DNAH11: variants seen among roughly 807,000 people sequenced by gnomAD.
The protein encoded by DNAH11 is dynein axonemal heavy chain 11.
In DNAH11, 442 loss-of-function variants were observed where a neutral mutation model predicts 526.0. The ratio of observed to expected loss-of-function variants is 0.84; its 90% CI spans 0.78 to 0.91. The LOEUF is 0.91. Ranked by LOEUF, DNAH11 falls within the 40% of genes least tolerant of loss-of-function variation. DNAH11 has a pLI of 0.00. For synonymous variants in DNAH11, 2,461 were observed against 1,935.9 expected (o/e 1.27, Z -7.12); for missense variants, 6,989 against 5,448.7 (o/e 1.28, Z -8.90).
At chr7:21,652,593 T>C (rs926101269) in intron 28 of DNAH11, among the ~76,000 whole-genome samples, 6 of 152,194 alleles carry the variant, frequency 3.9e-5, no homozygotes, top group Non-Finnish European at 4.4e-5. Flanking sequence ...GAAGCTTTAA[T>C]GTTTTGACAC....
At chr7:21,673,907 G>GTT (rs72169473) in intron 30 of DNAH11, among the ~76,000 whole-genome samples, 198 of 147,918 alleles carry the variant, frequency 1.3e-3, no homozygotes, top group African/African-American at 4.8e-3. Flanking sequence ...TTATATTCAT[G>GTT]TTTTTTTTTT....
At chr7:21,744,414 A>G (rs1562522162) in intron 49 of DNAH11, 24 bp from the exon 50 acceptor site, 3 of 1,609,080 alleles carry the variant, frequency 1.9e-6, no homozygotes, top group East Asian at 2.2e-5. Flanking sequence ...AATTAAAGGT[A>G]TTTTCCCCAT....
intron 49 of DNAH11, 65 bp from the exon 50 acceptor site, chr7:21,744,373 T>G (rs1786049800): frequency 6.5e-7 from 1 of 1,543,914 alleles, no homozygotes; most frequent in Admixed American, 1.9e-5. Context: ...TTAAAAAGTG[T>G]TAAACTCATT....
At chr7:21,659,589 A>C (rs944416065) in intron 30 of DNAH11, among the ~76,000 whole-genome samples, 3 of 152,056 alleles carry the variant, frequency 2.0e-5, no homozygotes, top group African/African-American at 7.2e-5. Flanking sequence ...GTCTTATAGA[A>C]TCAGAGTATA....
intron 74 of DNAH11, among the ~76,000 whole-genome samples, chr7:21,873,832 C>T (rs974943894): frequency 2.3e-5 from 3 of 130,328 alleles, no homozygotes; most frequent in Non-Finnish European, 1.6e-5. Flanking sequence ...ACTTTGCCGC[C>T]CAGGCTGGAG....
intron 76 of DNAH11, among the ~76,000 whole-genome samples, chr7:21,890,414 T>C (rs1784290063): frequency 6.6e-6 from 1 of 152,242 alleles, no homozygotes; most frequent in Admixed American, 6.5e-5. Flanking sequence ...AATGTCCCCA[T>C]GGCAGCTTAA....
At position 21,543,200 on chromosome 7, in the gene DNAH11, C is replaced by A; in HGVS notation, c.-46C>A. On this transcript the variant is annotated 5_prime_UTR_variant, in exon 1 of 82. Transcript: ENST00000409508. ...GCTCACTTCGGGGGGCCCAGAGTCTCGGGTGAGGAGCCAGCCGGCCTCGCG... is the reference window on the plus strand; with the variant it reads ...GCTCACTTCGGGGGGCCCAGAGTCTAGGGTGAGGAGCCAGCCGGCCTCGCG... 6.8e-7 allele frequency: 1 copy of A among 1,471,170 alleles called. No individual in the cohort carries two copies. The highest frequency in any genetic ancestry group is 1.4e-5 in the South Asian group (1 of 72,456). The allele number at this position is 1,471,170 out of a possible 1,614,324, so 91.1% of individuals were successfully genotyped here. A position where few individuals can be genotyped will look rare whatever the true frequency, so the allele number is the denominator to read the frequency against.
At chr7:21,756,314 T>C (rs975078971) in intron 54 of DNAH11, among the ~76,000 whole-genome samples, 2 of 152,126 alleles carry the variant, frequency 1.3e-5, no homozygotes, top group African/African-American at 4.8e-5. Context: ...GATGTTTATC[T>C]CATATATTAA....
At chr7:21,660,562 C>T (rs947010520) in intron 30 of DNAH11, among the ~76,000 whole-genome samples, 1 of 151,700 alleles carries the variant, frequency 6.6e-6, no homozygotes, top group Non-Finnish European at 1.5e-5. Flanking sequence ...AAAATACAGT[C>T]ACAGAAAATG....
At chr7:21,657,533 C>T (rs937450025) in intron 29 of DNAH11, among the ~76,000 whole-genome samples, 2 of 152,088 alleles carry the variant, frequency 1.3e-5, no homozygotes, top group Admixed American at 6.6e-5. Flanking sequence ...GTTTGGTCTT[C>T]CCAAATGGAC....
At chr7:21,725,470 A>C (rs150843775) in intron 44 of DNAH11, among the ~76,000 whole-genome samples, 8 of 152,244 alleles carry the variant, frequency 5.3e-5, no homozygotes, top group Admixed American at 4.6e-4. Context: ...AAATCAAATA[A>C]TGTCATTAAT....
At chr7:21,755,136 T>C (rs916658621) in intron 54 of DNAH11, among the ~76,000 whole-genome samples, 7 of 152,322 alleles carry the variant, frequency 4.6e-5, no homozygotes, top group Admixed American at 1.3e-4. Flanking sequence ...CAGTTCCCAC[T>C]TGGAATGCAG....
intron 28 of DNAH11, among the ~76,000 whole-genome samples, chr7:21,639,413 C>G (rs1156997864): frequency 6.6e-6 from 1 of 152,134 alleles, no homozygotes; most frequent in African/African-American, 2.4e-5. Context: ...GAGAAAGGGT[C>G]ACTTGGAACA....
chr7:21,866,394 T>A (rs952125762), intron 70 of DNAH11, 76 bp from the exon 71 acceptor site: 1 of 1,377,320 alleles, frequency 7.3e-7, no homozygotes, highest in Non-Finnish European at 9.9e-7. Flanking sequence ...TAAGATTAGA[T>A]ACATTCACAA....
rs768305852 is a variant in DNAH11, at chr7:21,894,934, T to C, written c.12984T>C (p.Ser4328=). The C allele has an allele frequency of 1.5e-5, 24 of 1,613,838 alleles. No individual in the cohort carries two copies. The East Asian group carries it at 4.7e-4, about 31-fold the overall frequency. ...TGGAAGCCCAGCAGTTTGCATTGAG[T>C]TATGACACGGTACCAGACACTTGGA... ...PAVEAQQFAL[S]YDTVPDTWSK... The change falls in exon 79 of 82, where the codon AGT becomes AGC. Residue 4328 remains serine (S), a synonymous_variant. Transcript: ENST00000409508.
intron 8 of DNAH11, among the ~76,000 whole-genome samples, chr7:21,573,089 A>T (rs189871956): frequency 6.6e-6 from 1 of 152,176 alleles, no homozygotes; most frequent in Non-Finnish European, 1.5e-5. Flanking sequence ...TTTTGTTATA[A>T]TTACAAAAAC....
intron 32 of DNAH11, 133 bp downstream of exon 32, chr7:21,684,077 A>G (rs1279875032): frequency 2.2e-6 from 2 of 927,956 alleles, no homozygotes; most frequent in African/African-American, 1.7e-5. Context: ...GAATTGAATT[A>G]GAGAAACAGA....
At chr7:21,852,381 TG>T in intron 66 of DNAH11, 85 bp from the exon 67 acceptor site, 1 of 1,387,312 alleles carries the variant, frequency 7.2e-7, no homozygotes, top group South Asian at 1.4e-5. Flanking sequence ...TACTCCAGCC[TG>T]GGCGACAGAG....
intron 43 of DNAH11, among the ~76,000 whole-genome samples, chr7:21,719,808 A>G (rs1383290404): frequency 1.3e-5 from 2 of 152,226 alleles, no homozygotes; most frequent in Admixed American, 6.5e-5. Context: ...TGCTGTGTGT[A>G]TAATAGAGAT....
Sources: gnomAD v4.1 joint callset for allele counts (sites outside exome capture counted in the v4.1 genomes callset) on GRCh38, gnomAD v4.1.1 for gene constraint, MANE v1.5 for transcripts, NCBI Gene and HGNC (gene_info 2026-07-23, HGNC 2026-07-21) for gene names.